The following CCDC83 variants were observed in gnomAD, a reference collection of about 807,000 sequenced individuals.
CCDC83 encodes the protein coiled-coil domain-containing protein 83.
In CCDC83, 54 loss-of-function variants were observed where a neutral mutation model predicts 50.1. The observed-to-expected ratio is 1.08, with a 90% CI of 0.87 to 1.35. The LOEUF (loss-of-function observed/expected upper bound fraction) is 1.35. CCDC83 is among the 40% of genes most tolerant of loss of function. CCDC83 has a pLI of 0.00. For missense variants in CCDC83, 518 were observed against 473.9 expected (o/e 1.09, Z -0.86); for synonymous variants, 161 against 153.3 (o/e 1.05, Z -0.37).
chr11:85,877,497 T>G (rs1374172300), intron 3 of CCDC83, among the ~76,000 whole-genome samples: 1 of 152,200 alleles, frequency 6.6e-6, no homozygotes, highest in Non-Finnish European at 1.5e-5. Context: ...AAACAATTTT[T>G]TTTAAATTTT....
intron 10 of CCDC83, among the ~76,000 whole-genome samples, chr11:85,917,231 A>AAAGG (rs1554986962): frequency 7.5e-6 from 1 of 134,070 alleles, no homozygotes; most frequent in Non-Finnish European, 1.7e-5. Flanking sequence ...AGAAAGAAAG[A>AAAGG]AAAGAAAGAA....
chr11:85,879,473 T>A (rs1482081222), intron 3 of CCDC83, among the ~76,000 whole-genome samples: 1 of 152,140 alleles, frequency 6.6e-6, no homozygotes, highest in Non-Finnish European at 1.5e-5. Flanking sequence ...AAAGAAGATA[T>A]ACAAATGGCT....
intron 5 of CCDC83, among the ~76,000 whole-genome samples, chr11:85,893,678 T>C (rs765604783): frequency 1.1e-4 from 16 of 152,334 alleles, no homozygotes; most frequent in African/African-American, 3.8e-4. Context: ...CTCCGCCTCC[T>C]GTCAGATCAG....
At chr11:85,859,322 C>CTAAA (rs1484622332) in intron 1 of CCDC83, among the ~76,000 whole-genome samples, 1 of 151,980 alleles carries the variant, frequency 6.6e-6, no homozygotes, top group Admixed American at 6.6e-5. Context: ...CAAAACTATT[C>CTAAA]TAAAATTCAT....
chr11:85,911,536 A>C, intron 8 of CCDC83, 134 bp downstream of exon 8: 1 of 693,960 alleles, frequency 1.4e-6, no homozygotes, highest in Non-Finnish European at 2.3e-6. Context: ...GGGACAAAAA[A>C]AATGCTCATG....
At chr11:85,912,246 T>C (rs896141395) in intron 8 of CCDC83, among the ~76,000 whole-genome samples, 1 of 152,154 alleles carries the variant, frequency 6.6e-6, no homozygotes. Flanking sequence ...TAGTTCCTAT[T>C]GTTTGTGTGA....
At chr11:85,892,798 GT>G (rs1228688454) in intron 5 of CCDC83, among the ~76,000 whole-genome samples, 2 of 152,170 alleles carry the variant, frequency 1.3e-5, no homozygotes, top group African/African-American at 4.8e-5. Context: ...TCAGAAATTA[GT>G]TTGGAAGGAT....
chr11:85,879,603 G>A (rs1457030419), intron 3 of CCDC83, among the ~76,000 whole-genome samples: 1 of 151,344 alleles, frequency 6.6e-6, no homozygotes, highest in African/African-American at 2.4e-5. Flanking sequence ...AATTTGATAA[G>A]GATAAGTTTG....
chr11:85,886,298 C>T lies in CCDC83; in HGVS notation c.442C>T (p.His148Tyr). The T allele has an allele frequency of 6.2e-7, 1 of 1,610,094 alleles. No homozygotes were observed. Reference protein sequence around the residue: ...EEYKNVGSERHAKLITSLQND... With the variant: ...EEYKNVGSERYAKLITSLQND... Reference sequence around the variant, plus strand: ...GTACAAGAATGTAGGGAGTGAACGACATGCTAAACTCATTACCTCCTTACA... The same window carrying T: ...GTACAAGAATGTAGGGAGTGAACGATATGCTAAACTCATTACCTCCTTACA... The change falls in exon 5 of 11, where the codon CAT (histidine) becomes TAT (tyrosine). Residue 148 changes from histidine (H) to tyrosine (Y), a missense_variant. Coordinates refer to ENST00000342404, the MANE Select transcript of CCDC83 (RefSeq NM_001286159.2).
intron 2 of CCDC83, among the ~76,000 whole-genome samples, chr11:85,869,458 A>C (rs2093225275): frequency 6.6e-6 from 1 of 152,242 alleles, no homozygotes; most frequent in Non-Finnish European, 1.5e-5. Context: ...AAAAAAACAC[A>C]AAAATATAGT....
intron 1 of CCDC83, among the ~76,000 whole-genome samples, chr11:85,861,606 G>A (rs2093176449): frequency 2.0e-5 from 3 of 152,146 alleles, no homozygotes; most frequent in Admixed American, 6.5e-5. Context: ...CATTTTATAT[G>A]TCCAGAAAGG....
chr11:85,915,504 A>C lies in CCDC83; in HGVS notation c.874+6A>C, dbSNP rs1021304777. On this transcript the variant is annotated splice_donor_region_variant and intron_variant, in intron 9 of 10. Transcript: ENST00000342404. ...ATTGCCAGAAACACATATAGGTATT[A>C]CTTTATTGCAATAATGATGATGATT... 2 of 1,576,610 alleles carry C rather than the reference A, an allele frequency of 1.3e-6. No individual in the cohort carries two copies. The highest frequency in any genetic ancestry group is 2.7e-5 in the African/African-American group (2 of 73,552).
At chr11:85,863,422 T>C (rs1347677946) in intron 1 of CCDC83, among the ~76,000 whole-genome samples, 1 of 152,246 alleles carries the variant, frequency 6.6e-6, no homozygotes, top group Non-Finnish European at 1.5e-5. Context: ...TACTTTCATA[T>C]TTGAGAAGAC....
intron 8 of CCDC83, among the ~76,000 whole-genome samples, chr11:85,914,156 G>T (rs895840453): frequency 2.0e-5 from 3 of 152,204 alleles, no homozygotes; most frequent in African/African-American, 4.8e-5. Flanking sequence ...AATATTGTAT[G>T]TAGTTACAGT....
chr11:85,859,165 A>AAAAAAC (rs1272361968), intron 1 of CCDC83, among the ~76,000 whole-genome samples: 1 of 147,660 alleles, frequency 6.8e-6, no homozygotes, highest in African/African-American at 2.5e-5. Flanking sequence ...CCTTAAAAAA[A>AAAAAAC]AAAAAAAAAA....
intron 2 of CCDC83, among the ~76,000 whole-genome samples, chr11:85,867,362 G>T (rs2093213233): frequency 6.7e-6 from 1 of 148,878 alleles, no homozygotes; most frequent in African/African-American, 2.4e-5. Context: ...AAATCTAAAA[G>T]AAGGATTTAT....
intron 5 of CCDC83, among the ~76,000 whole-genome samples, chr11:85,894,205 A>T (rs1243118965): frequency 6.6e-6 from 1 of 152,290 alleles, no homozygotes; most frequent in African/African-American, 2.4e-5. Flanking sequence ...CCTAAATGGA[A>T]ATAAGGTTCT....
chr11:85,867,035 A>G (rs2093211353), intron 2 of CCDC83, among the ~76,000 whole-genome samples: 1 of 152,166 alleles, frequency 6.6e-6, no homozygotes, highest in South Asian at 2.1e-4. Context: ...CCATGATGCT[A>G]GTGACTAGGT....
At chr11:85,906,786 G>A (rs1311871072) in intron 7 of CCDC83, among the ~76,000 whole-genome samples, 7 of 145,894 alleles carry the variant, frequency 4.8e-5, no homozygotes, top group African/African-American at 1.7e-4. Context: ...TTATGAGGCC[G>A]AGATAGGAGC....
Sources: allele counts gnomAD v4.1 joint callset (sites outside exome capture counted in the v4.1 genomes callset), GRCh38; gene constraint gnomAD v4.1.1; transcripts MANE v1.5; gene names NCBI Gene and HGNC (gene_info 2026-07-23, HGNC 2026-07-21).